The following TOMT variants were observed in gnomAD, a reference collection of about 807,000 sequenced individuals.
The protein encoded by TOMT is transmembrane O-methyltransferase.
A neutral mutation model predicts 21.7 loss-of-function variants in TOMT; 23 were observed. The observed-to-expected ratio is 1.06, with a 90% CI of 0.76 to 1.50. TOMT has a LOEUF of 1.50. Ranked by LOEUF, TOMT falls within the 40% of genes most tolerant of loss-of-function variation. TOMT has a pLI of 0.00. For missense variants in TOMT, 331 were observed against 348.7 expected (o/e 0.95, Z 0.41); for synonymous variants, 132 against 150.8 (o/e 0.88, Z 0.91).
chr11:72,109,123 C>G (rs988688218), exon 3 of TOMT: 2 of 588,218 alleles, frequency 3.4e-6, no homozygotes, highest in Admixed American at 3.0e-5. Context: ...CTTGGTCTCA[C>G]TAGGCCCCCT....
intron 1 of TOMT, 107 bp from the exon 2 acceptor site, chr11:72,107,816 C>T (rs1945838494): frequency 1.0e-5 from 13 of 1,260,984 alleles, no homozygotes; most frequent in African/African-American, 1.5e-5. Context: ...GATGAGACCC[C>T]GGCTGGTTGG....
chr11:72,106,134 C>T (rs1591187570), exon 1 of TOMT: 1 of 1,543,006 alleles, frequency 6.5e-7, no homozygotes, highest in Admixed American at 2.0e-5. Flanking sequence ...TGCCCGGTGA[C>T]CCTGGTCACA....
exon 3 of TOMT, chr11:72,108,781 T>A: frequency 6.4e-7 from 1 of 1,550,516 alleles, no homozygotes; most frequent in Non-Finnish European, 8.7e-7. Flanking sequence ...TGGCTGACCA[T>A]GTGCTCTTCC....
At chr11:72,109,007 T>G (rs1479083021) in exon 3 of TOMT, 1 of 1,260,464 alleles carries the variant, frequency 7.9e-7, no homozygotes, top group Non-Finnish European at 1.1e-6. Context: ...CCTTTCCTGT[T>G]TGGGGCCTTG....
exon 3 of TOMT, chr11:72,108,945 T>G: frequency 1.3e-6 from 2 of 1,491,200 alleles, no homozygotes; most frequent in Non-Finnish European, 1.8e-6. Flanking sequence ...CCAGGGGTAC[T>G]TACTGATGCC....
chr11:72,107,471 T>C (rs976211059), intron 1 of TOMT: 11 of 702,548 alleles, frequency 1.6e-5, no homozygotes, highest in Non-Finnish European at 2.6e-5. Context: ...CAGATGGCGA[T>C]GGGGGTGGGA....
exon 3 of TOMT, chr11:72,108,619 G>A: frequency 1.4e-6 from 2 of 1,472,906 alleles, no homozygotes; most frequent in Non-Finnish European, 1.8e-6. Context: ...AGCTCATCGT[G>A]GGCAGCTCAG....
exon 3 of TOMT, chr11:72,108,948 C>T: frequency 6.7e-7 from 1 of 1,486,190 alleles, no homozygotes; most frequent in South Asian, 1.3e-5. Context: ...GGGGTACTTA[C>T]TGATGCCCAC....
intron 1 of TOMT, chr11:72,107,123 C>A: frequency 3.0e-6 from 1 of 331,718 alleles, no homozygotes; most frequent in South Asian, 6.4e-5. Context: ...AAAAATTAGC[C>A]GGGTGTGGTG....
rs747695775 is a variant in TOMT, at chr11:72,106,082, G to A, written c.131G>A (p.Arg44Gln). ...CTCCGAGACTGCCTGTCAGGGCTGC[G>A]GATCGAGGAGCGGGCCTTCAGCTAC... is the stretch of plus-strand genomic sequence containing the variant. Residue 44 changes from arginine (R) to glutamine (Q), a missense_variant, in exon 1 of 3, where the codon CGG (arginine) becomes CAG (glutamine). Transcript: ENST00000541899. 22 of 1,549,930 alleles carry A rather than the reference G, an allele frequency of 1.4e-5. No homozygotes were observed. The highest frequency in any genetic ancestry group is 3.3e-4 in the Middle Eastern group (2 of 6,010).
chr11:72,108,572 C>G (rs901723602), intron 2 of TOMT, 33 bp from the exon 3 acceptor site: 7 of 1,435,148 alleles, frequency 4.9e-6, no homozygotes, highest in Non-Finnish European at 6.4e-6. Flanking sequence ...CAATTCCCCC[C>G]ACCCTCACCT....
chr11:72,105,937 GC>G, exon 1 of TOMT: 1 of 1,537,676 alleles, frequency 6.5e-7, no homozygotes, highest in Non-Finnish European at 8.8e-7. Flanking sequence ...CCACCCCAGG[GC>G]CCAGGTAGGG....
chr11:72,107,277 A>G, intron 1 of TOMT: 1 of 601,544 alleles, frequency 1.7e-6, no homozygotes, highest in Non-Finnish European at 3.0e-6. Flanking sequence ...AAAAATAAAT[A>G]AATAAAAGTT....
chr11:72,106,432 A>AG (rs1333692988), intron 1 of TOMT: 1 of 463,390 alleles, frequency 2.2e-6, no homozygotes, highest in East Asian at 3.4e-5. Flanking sequence ...GGTGCCAGGG[A>AG]GAGGGGTAGA....
exon 3 of TOMT, chr11:72,109,260 A>C: frequency 1.3e-5 from 6 of 449,856 alleles, no homozygotes; most frequent in African/African-American, 2.0e-5. Context: ...CTCTCTTAAC[A>C]CGAAGGAAGC....
At chr11:72,109,526 A>T (rs116397624), downstream of TOMT, 14 of 402,330 alleles carry the variant, frequency 3.5e-5, no homozygotes, top group African/African-American at 2.7e-4. Flanking sequence ...CTCTTCCTAA[A>T]GCCCAAAAGA....
At chr11:72,109,093 T>G in exon 3 of TOMT, 1 of 620,192 alleles carries the variant, frequency 1.6e-6, no homozygotes, top group Admixed American at 3.0e-5. Context: ...TGACCTCAAG[T>G]GTCAAGTTCT....
intron 1 of TOMT, chr11:72,106,541 T>C: frequency 4.8e-6 from 1 of 206,862 alleles, no homozygotes; most frequent in East Asian, 1.1e-4. Flanking sequence ...TTTGTAATTA[T>C]CTGTCTCCAC....
exon 3 of TOMT, chr11:72,108,755 G>A (rs1291606841): frequency 6.4e-7 from 1 of 1,550,470 alleles, no homozygotes. Context: ...CCTACTGCCA[G>A]CAGGTGCCAC....
Sources: gnomAD v4.1 joint callset for allele counts on GRCh38, gnomAD v4.1.1 for gene constraint, MANE v1.5 for transcripts, NCBI Gene and HGNC (gene_info 2026-07-23, HGNC 2026-07-21) for gene names.